The following KIF1A variants were observed in gnomAD, a reference collection of about 807,000 sequenced individuals.
The protein encoded by KIF1A is kinesin family member 1A.
A neutral mutation model predicts 227.3 loss-of-function variants in KIF1A; 46 were observed. The ratio of observed to expected loss-of-function variants is 0.20; its 90% CI spans 0.16 to 0.26. The LOEUF (loss-of-function observed/expected upper bound fraction) is 0.26. Among genes scored for constraint, KIF1A ranks in the 10% least tolerant of loss-of-function variants. The probability of loss-of-function intolerance (pLI) is 1.00; values close to 1 mark genes in which losing one functional copy is unlikely to be tolerated. For synonymous variants in KIF1A, 1,022 were observed against 1,012.8 expected (o/e 1.01, Z -0.17); for missense variants, 1,683 against 2,485.9 (o/e 0.68, Z 6.87).
rs780619503 is a variant in KIF1A, at chr2:240,742,920, C to T, written c.3640+9G>A. On this transcript the variant is annotated intron_variant, in intron 34 of 48. Transcript: ENST00000498729. Reference sequence around the variant, plus strand: ...ACTGCCCTGAGACGGCTCCAGAGACCCTTCCTACCTGGCTTGGACAGTGGC... The same window carrying T: ...ACTGCCCTGAGACGGCTCCAGAGACTCTTCCTACCTGGCTTGGACAGTGGC... The T allele has an allele frequency of 6.2e-7, 1 of 1,610,194 alleles. No individual in the cohort carries two copies. Among genetic ancestry groups the T allele is most frequent in the South Asian group, 1.1e-5 (1 of 90,084 alleles).
At chr2:240,771,928 C>CG (rs2125959352) in intron 14 of KIF1A, among the ~76,000 whole-genome samples, 1 of 152,330 alleles carries the variant, frequency 6.6e-6, no homozygotes, top group East Asian at 1.9e-4. Context: ...CACAGCAGAG[C>CG]AGCAGCAAGC....
intron 10 of KIF1A, among the ~76,000 whole-genome samples, chr2:240,781,422 C>T (rs2053942017): frequency 1.2e-5 from 1 of 84,724 alleles, no homozygotes; most frequent in South Asian, 3.3e-4. Context: ...CACACACACA[C>T]ACACAGCTCC....
chr2:240,815,675 G>A (rs1389878347), intron 1 of KIF1A, among the ~76,000 whole-genome samples: 2 of 152,166 alleles, frequency 1.3e-5, no homozygotes, highest in African/African-American at 2.4e-5. Context: ...CACCGTGCTG[G>A]CCCCCGTGGG....
At chr2:240,776,741 C>G (rs1275561645) in intron 10 of KIF1A, among the ~76,000 whole-genome samples, 1 of 152,222 alleles carries the variant, frequency 6.6e-6, no homozygotes, top group Non-Finnish European at 1.5e-5. Context: ...AGGCCTCTGA[C>G]CCTGGAGCCT....
chr2:240,761,549 G>C (rs571448336), intron 23 of KIF1A, among the ~76,000 whole-genome samples, 172 bp from the exon 24 acceptor site: 2 of 152,208 alleles, frequency 1.3e-5, no homozygotes, highest in African/African-American at 4.8e-5. Context: ...TGGAAGGCTG[G>C]AAGGTTACTC....
At chr2:240,728,369 A>C in intron 38 of KIF1A, 3 of 1,295,868 alleles carry the variant, frequency 2.3e-6, no homozygotes, top group Non-Finnish European at 3.1e-6. Flanking sequence ...GCAAGGGCGG[A>C]AGAGAAAAGT....
intron 43 of KIF1A, 149 bp downstream of exon 43, chr2:240,722,307 G>T: frequency 4.2e-6 from 3 of 722,198 alleles, no homozygotes; most frequent in Non-Finnish European, 6.7e-6. Flanking sequence ...GTGGGCAAGG[G>T]GACCCTAGGG....
intron 38 of KIF1A, among the ~76,000 whole-genome samples, chr2:240,727,942 G>A (rs2046216892): frequency 1.3e-5 from 2 of 152,202 alleles, no homozygotes; most frequent in South Asian, 4.1e-4. Context: ...ACTCCAGAAT[G>A]TGGCTACTCT....
chr2:240,812,922 TCAGC>T (rs2058017523), intron 1 of KIF1A, among the ~76,000 whole-genome samples: 1 of 146,718 alleles, frequency 6.8e-6, no homozygotes. Flanking sequence ...ACCTCGGGGA[TCAGC>T]CTTCACCTCG....
upstream of KIF1A, among the ~76,000 whole-genome samples, chr2:240,820,891 C>G (rs958589076): frequency 3.3e-5 from 5 of 152,168 alleles, no homozygotes; most frequent in African/African-American, 1.2e-4. The surrounding 1 kb of genome is among the most constrained non-coding windows in gnomAD (Gnocchi z 6.2). Context: ...CTCGCCCCAC[C>G]TCTCCAGGCC....
chr2:240,797,872 C>T (rs959208419), intron 1 of KIF1A, 60 bp from the exon 2 acceptor site: 4 of 642,076 alleles, frequency 6.2e-6, no homozygotes, highest in East Asian at 2.7e-5. Context: ...ACAGGCACTC[C>T]GGCTGCAGCT....
At chr2:240,776,324 G>A (rs1306462269) in intron 10 of KIF1A, among the ~76,000 whole-genome samples, 1 of 152,202 alleles carries the variant, frequency 6.6e-6, no homozygotes, top group Non-Finnish European at 1.5e-5. Flanking sequence ...CCTGACCCAA[G>A]GGAAAAGGCC....
At chr2:240,728,955 C>T (rs891446409) in intron 38 of KIF1A, among the ~76,000 whole-genome samples, 3 of 152,194 alleles carry the variant, frequency 2.0e-5, no homozygotes, top group South Asian at 2.1e-4. Context: ...TACTAGAGCA[C>T]GATGAGAACA....
intron 17 of KIF1A, 32 bp downstream of exon 17, chr2:240,769,101 G>A: frequency 6.4e-7 from 1 of 1,569,970 alleles, no homozygotes; most frequent in Non-Finnish European, 8.7e-7. Context: ...GTTCAGATGA[G>A]GGCAGTACCA....
At chr2:240,780,087 C>A (rs769378721) in intron 10 of KIF1A, among the ~76,000 whole-genome samples, 6 of 152,082 alleles carry the variant, frequency 3.9e-5, no homozygotes, top group Non-Finnish European at 8.8e-5. Flanking sequence ...CCCGCGAGTT[C>A]CTCCGAGTTC....
At chr2:240,738,552 G>A (rs1252576139) in intron 37 of KIF1A, among the ~76,000 whole-genome samples, 1 of 152,164 alleles carries the variant, frequency 6.6e-6, no homozygotes, top group African/African-American at 2.4e-5. Context: ...AAGTGACTTG[G>A]CTGCTCTGTG....
At chr2:240,802,467 A>G (rs1219799250) in intron 1 of KIF1A, among the ~76,000 whole-genome samples, 1 of 152,254 alleles carries the variant, frequency 6.6e-6, no homozygotes, top group African/African-American at 2.4e-5. Context: ...TATGAATTAA[A>G]TACACCAAGT....
At chr2:240,780,904 CCACACA>C (rs747289027) in intron 10 of KIF1A, among the ~76,000 whole-genome samples, 2 of 9,744 alleles carry the variant, frequency 2.1e-4, no homozygotes, top group African/African-American at 3.7e-4. Flanking sequence ...ACACACAGCT[CCACACA>C]CACACACACA....
chr2:240,744,010 G>A lies in KIF1A; in HGVS notation c.3516C>T (p.Pro1172=). ...KSFIEYIKSQ[P]IVFEVFGHYQ... Reference sequence around the variant, plus strand: ...AGTGGCCAAAGACCTCGAAAACAATGGGCTGGCTCTTGATGTACTCAATGA... The same window carrying A: ...AGTGGCCAAAGACCTCGAAAACAATAGGCTGGCTCTTGATGTACTCAATGA... The change falls in exon 33 of 49, where the codon CCC becomes CCT. Residue 1172 remains proline (P), a synonymous_variant. Transcript: ENST00000498729. 2.5e-6 allele frequency: 4 copies of A among 1,613,820 alleles called. No homozygotes were observed. Among genetic ancestry groups the A allele is most frequent in the Non-Finnish European group, 2.5e-6 (3 of 1,179,806 alleles).
Sources: allele counts gnomAD v4.1 joint callset (sites outside exome capture counted in the v4.1 genomes callset), GRCh38; gene constraint gnomAD v4.1.1; non-coding constraint Gnocchi (gnomAD v3.1); transcripts MANE v1.5; gene names NCBI Gene and HGNC (gene_info 2026-07-23, HGNC 2026-07-21).